NRG3: variants seen among roughly 807,000 people sequenced by gnomAD.
The protein encoded by NRG3 is pro-neuregulin-3, membrane-bound isoform.
Under a neutral mutation model 66.9 loss-of-function variants are expected in NRG3, and 31 were observed. The ratio of observed to expected loss-of-function variants is 0.46; its 90% confidence interval spans 0.35 to 0.63. The LOEUF (loss-of-function observed/expected upper bound fraction) is 0.63. Among genes scored for constraint, NRG3 ranks in the 20% least tolerant of loss-of-function variants. The pLI is 0.00. For missense variants in NRG3, 910 were observed against 878.9 expected, an observed-to-expected ratio of 1.04 and a Z score of -0.45; for synonymous variants, 393 against 359.4, an observed-to-expected ratio of 1.09 and a Z score of -1.06.
intron 4 of NRG3, among the ~76,000 whole-genome samples, chr10:82,892,052 T>C (rs778965009): frequency 2.6e-5 from 4 of 152,088 alleles, no homozygotes; most frequent in Admixed American, 6.5e-5. Context: ...AATAGTAAAA[T>C]TGATTAGTTT....
At chr10:82,953,495 T>G (rs1849725907) in intron 5 of NRG3, among the ~76,000 whole-genome samples, 1 of 151,958 alleles carries the variant, frequency 6.6e-6, no homozygotes, top group South Asian at 2.1e-4. Context: ...TCTCCAAGAA[T>G]GCCATCTGGC....
intron 2 of NRG3, among the ~76,000 whole-genome samples, chr10:82,489,697 A>C (rs1842944993): frequency 6.6e-6 from 1 of 152,212 alleles, no homozygotes; most frequent in Non-Finnish European, 1.5e-5. Context: ...AAAACAAATG[A>C]CATTTATTTC....
At chr10:82,938,700 C>A (rs1848309539) in intron 4 of NRG3, among the ~76,000 whole-genome samples, 1 of 152,190 alleles carries the variant, frequency 6.6e-6, no homozygotes, top group Non-Finnish European at 1.5e-5. Context: ...TTCTGTGAAG[C>A]AAAGTTAAAC....
chr10:82,816,950 T>C (rs2135545258), intron 3 of NRG3, among the ~76,000 whole-genome samples: 1 of 152,386 alleles, frequency 6.6e-6, no homozygotes, highest in Middle Eastern at 3.4e-3. Flanking sequence ...AATATGTGGG[T>C]ATTTTCATAA....
intron 1 of NRG3, among the ~76,000 whole-genome samples, chr10:81,903,958 C>T (rs1036279169): frequency 6.7e-6 from 1 of 149,622 alleles, no homozygotes; most frequent in Non-Finnish European, 1.5e-5. Flanking sequence ...TATCCACCTT[C>T]AAGACTTCAG....
intron 1 of NRG3, among the ~76,000 whole-genome samples, chr10:81,928,155 A>G (rs1203371005): frequency 6.6e-6 from 1 of 152,238 alleles, no homozygotes; most frequent in East Asian, 1.9e-4. Context: ...TTTGTGAAAC[A>G]GTTTATCTGC....
intron 1 of NRG3, among the ~76,000 whole-genome samples, chr10:81,904,825 A>C (rs1386410803): frequency 6.6e-6 from 1 of 152,144 alleles, no homozygotes; most frequent in African/African-American, 2.4e-5. Flanking sequence ...ATCTCCTCTC[A>C]GCCCATGTTT....
intron 2 of NRG3, among the ~76,000 whole-genome samples, chr10:82,366,279 C>T (rs1483689946): frequency 6.6e-6 from 1 of 152,124 alleles, no homozygotes; most frequent in Non-Finnish European, 1.5e-5. Context: ...CCTTTATGCT[C>T]ATATTGAAGC....
chr10:82,180,769 A>AG (rs2073362764), intron 1 of NRG3, among the ~76,000 whole-genome samples: 1 of 151,758 alleles, frequency 6.6e-6, no homozygotes, highest in Admixed American at 6.6e-5. Flanking sequence ...ATGAGTTTGG[A>AG]GGGGGCCCCT....
At position 82,517,329 on chromosome 10, in the gene NRG3, G is replaced by C. The variant is rs73309837; in HGVS notation, c.953+158461G>C. Among the ~76,000 whole-genome samples the C allele has an allele frequency of 4.3e-3, 660 of 152,186 alleles. 5 individuals are homozygous for C. The highest frequency in any genetic ancestry group is 0.015 in the African/African-American group (640 of 41,528). ...GAAATGGAAAAATAAGGGGAAAAAA[G>C]TATGTATGTTAAATAAGCATGGCAG... On this transcript the variant is annotated intron_variant, in intron 2 of 8. Transcript: ENST00000372141.
At chr10:82,675,915 G>C (rs1164315678) in intron 2 of NRG3, among the ~76,000 whole-genome samples, 4 of 152,032 alleles carry the variant, frequency 2.6e-5, no homozygotes, top group African/African-American at 7.2e-5. Context: ...AACTAGGCAA[G>C]AACCATCCTG....
intron 3 of NRG3, among the ~76,000 whole-genome samples, chr10:82,741,972 C>G (rs1300809078): frequency 6.6e-6 from 1 of 152,118 alleles, no homozygotes; most frequent in Non-Finnish European, 1.5e-5. Flanking sequence ...TGTCAAAATT[C>G]TTGCTGAAGG....
At chr10:82,968,699 C>T (rs1851444461) in intron 6 of NRG3, among the ~76,000 whole-genome samples, 2 of 119,936 alleles carry the variant, frequency 1.7e-5, no homozygotes, top group Non-Finnish European at 4.0e-5. Context: ...AAGGGAATTA[C>T]TGACTTTTAG....
At chr10:82,506,547 C>A (rs1844698855) in intron 2 of NRG3, among the ~76,000 whole-genome samples, 1 of 151,992 alleles carries the variant, frequency 6.6e-6, no homozygotes, top group Non-Finnish European at 1.5e-5. Flanking sequence ...TCCCTTCCTC[C>A]TTTTCCTCTC....
At chr10:82,085,885 G>C (rs1037277003) in intron 1 of NRG3, among the ~76,000 whole-genome samples, 1 of 151,936 alleles carries the variant, frequency 6.6e-6, no homozygotes, top group Non-Finnish European at 1.5e-5. Flanking sequence ...TGATCTGCCC[G>C]CCTAAGCCTC....
chr10:82,660,811 T>C (rs2052298782), intron 2 of NRG3, among the ~76,000 whole-genome samples: 1 of 152,160 alleles, frequency 6.6e-6, no homozygotes. Context: ...CAGTTTAATT[T>C]TATTTTACTT....
At chr10:82,537,931 C>T (rs2043272678) in intron 2 of NRG3, among the ~76,000 whole-genome samples, 1 of 152,132 alleles carries the variant, frequency 6.6e-6, no homozygotes, top group South Asian at 2.1e-4. Context: ...AGCAGTGTTG[C>T]TGCCTCAGAT....
At chr10:82,684,689 G>A (rs2134151413) in intron 2 of NRG3, among the ~76,000 whole-genome samples, 1 of 152,234 alleles carries the variant, frequency 6.6e-6, no homozygotes, top group African/African-American at 2.4e-5. Flanking sequence ...AATTAATGGA[G>A]TACAACACAG....
chr10:82,118,216 TAAAA>T (rs201442608), intron 1 of NRG3, among the ~76,000 whole-genome samples: 1 of 130,244 alleles, frequency 7.7e-6, no homozygotes. Flanking sequence ...GTAAGGACTC[TAAAA>T]AAAAAAAAAA....
Sources: allele counts gnomAD v4.1 joint callset (sites outside exome capture counted in the v4.1 genomes callset), GRCh38; gene constraint gnomAD v4.1.1; transcripts MANE v1.5; gene names NCBI Gene and HGNC (gene_info 2026-07-23, HGNC 2026-07-21).